The following IL7 variants were observed in gnomAD, a reference collection of about 807,000 sequenced individuals.
IL7 encodes the protein interleukin 7.
IL7 carries 3 observed loss-of-function variants against 21.6 expected under a neutral mutation model. That is an observed-to-expected ratio of 0.14 (90% CI 0.06 to 0.36). The LOEUF (loss-of-function observed/expected upper bound fraction) is 0.36, where lower values mean the gene tolerates loss of function less well. Ranked by LOEUF, IL7 falls within the 10% of genes least tolerant of loss-of-function variation. The pLI is 1.00. For synonymous variants in IL7, 62 were observed against 68.1 expected (o/e 0.91, Z 0.44); for missense variants, 175 against 200.2 (o/e 0.87, Z 0.76).
At chr8:78,730,935 G>GAGAT (rs1463062894), downstream of IL7, among the ~76,000 whole-genome samples, 1 of 151,950 alleles carries the variant, frequency 6.6e-6, no homozygotes, top group South Asian at 2.1e-4. Flanking sequence ...AAAAGGAATT[G>GAGAT]AGATGCCCTT....
intron 5 of IL7, among the ~76,000 whole-genome samples, chr8:78,734,182 A>C (rs1457118841): frequency 1.3e-5 from 2 of 152,218 alleles, no homozygotes; most frequent in Admixed American, 1.3e-4. Flanking sequence ...ATGTATTTTT[A>C]GTGGGAAGAA....
intron 2 of IL7, among the ~76,000 whole-genome samples, chr8:78,794,528 T>G (rs1366274272): frequency 2.0e-5 from 3 of 152,134 alleles, no homozygotes; most frequent in East Asian, 3.9e-4. Context: ...CTTCTTTAGC[T>G]ATGAAAGTTC....
At chr8:78,723,957 T>C (rs1019981503) in intron 3 of IL7, 1 of 179,866 alleles carries the variant, frequency 5.6e-6, no homozygotes, top group Non-Finnish European at 1.3e-5. Flanking sequence ...GCTGCATCTC[T>C]GATCTGCATC....
intron 3 of IL7, among the ~76,000 whole-genome samples, chr8:78,707,368 A>C (rs982499934): frequency 1.3e-5 from 2 of 152,184 alleles, no homozygotes; most frequent in African/African-American, 4.8e-5. Context: ...TGGAGTTAGA[A>C]GACTAGGTTT....
intron 4 of IL7, among the ~76,000 whole-genome samples, chr8:78,685,667 G>A (rs921996223): frequency 6.6e-6 from 1 of 152,148 alleles, no homozygotes; most frequent in African/African-American, 2.4e-5. Flanking sequence ...ATTTAAAAAG[G>A]TGCTCAGTCT....
downstream of IL7, among the ~76,000 whole-genome samples, chr8:78,732,054 A>G (rs535226968): frequency 6.6e-6 from 1 of 152,192 alleles, no homozygotes; most frequent in East Asian, 1.9e-4. Flanking sequence ...TTCTCTAACT[A>G]ATGGTTTACC....
chr8:78,731,602 C>T (rs1003199361), downstream of IL7, among the ~76,000 whole-genome samples: 1 of 151,590 alleles, frequency 6.6e-6, no homozygotes, highest in Non-Finnish European at 1.5e-5. Context: ...AAAATGCTGA[C>T]TTAAAGCATT....
intron 2 of IL7, among the ~76,000 whole-genome samples, chr8:78,765,515 G>A (rs978755022): frequency 9.9e-5 from 15 of 151,878 alleles, no homozygotes; most frequent in African/African-American, 3.4e-4. Flanking sequence ...TAAAAAATTG[G>A]CAAAAAACCT....
chr8:78,718,606 G>A (rs900010688), intron 6 of IL7: 5 of 151,448 alleles, frequency 3.3e-5, no homozygotes, highest in African/African-American at 4.8e-5. Context: ...CACCATTCAC[G>A]TCACATTAAG....
Position 78,765,836 on chromosome 8 carries a change from G to A in IL7, c.148-25754C>T, listed in dbSNP as rs554034858. Among the ~76,000 whole-genome samples the A allele has an allele frequency of 7.4e-4, 113 of 152,162 alleles. 1 individual carries two copies. The highest frequency in any genetic ancestry group is 5.0e-3 in the Admixed American group (77 of 15,286). On this transcript the variant is annotated intron_variant, in intron 2 of 5. Coordinates refer to ENST00000263851, the MANE Select transcript of IL7 (RefSeq NM_000880.4). ...CAGCAATCCTTGCTATATACCCAAA[G>A]AATTTGAAAATTTGTGGCCACACAA...
chr8:78,744,199 G>A (rs979580039), intron 2 of IL7, among the ~76,000 whole-genome samples: 4 of 152,230 alleles, frequency 2.6e-5, no homozygotes, highest in African/African-American at 9.6e-5. Flanking sequence ...TACCCAAATA[G>A]CAGAGATGTC....
At chr8:78,745,276 T>G (rs1407083718) in intron 2 of IL7, among the ~76,000 whole-genome samples, 1 of 152,256 alleles carries the variant, frequency 6.6e-6, no homozygotes, top group African/African-American at 2.4e-5. Flanking sequence ...AAAATGAATC[T>G]TCTATTGAAC....
downstream of IL7, among the ~76,000 whole-genome samples, chr8:78,729,522 A>T (rs1009806085): frequency 1.3e-5 from 2 of 152,026 alleles, no homozygotes; most frequent in Non-Finnish European, 2.9e-5. Flanking sequence ...AGCAAGATGC[A>T]TTAATCTTTA....
chr8:78,720,001 C>T (rs528876453), intron 5 of IL7, among the ~76,000 whole-genome samples: 1 of 151,860 alleles, frequency 6.6e-6, no homozygotes, highest in South Asian at 2.1e-4. Flanking sequence ...AAGGCATTAT[C>T]TTCATAGACT....
chr8:78,791,903 T>C (rs1386165471), intron 2 of IL7, among the ~76,000 whole-genome samples: 1 of 152,112 alleles, frequency 6.6e-6, no homozygotes, highest in Non-Finnish European at 1.5e-5. Flanking sequence ...TTAGATTGCA[T>C]TTAAATTATA....
chr8:78,738,428 G>C, intron 4 of IL7, 76 bp downstream of exon 4: 1 of 1,182,490 alleles, frequency 8.5e-7, no homozygotes, highest in Middle Eastern at 2.0e-4. Context: ...TAATGGATGT[G>C]ATCATCAGAG....
intron 2 of IL7, chr8:78,762,532 G>T (rs41308451): frequency 1.5e-5 from 10 of 662,350 alleles, no homozygotes; most frequent in Non-Finnish European, 2.1e-5. Flanking sequence ...CCGGCCGGCC[G>T]GCTCGGCAGG....
intron 3 of IL7, among the ~76,000 whole-genome samples, chr8:78,725,278 T>C (rs1045378872): frequency 2.6e-5 from 4 of 151,830 alleles, no homozygotes; most frequent in African/African-American, 9.7e-5. Flanking sequence ...GCTTCTAAGG[T>C]AGCTGTGGCA....
At chr8:78,685,797 CAG>C (rs1331263163) in intron 4 of IL7, 1 of 152,106 alleles carries the variant, frequency 6.6e-6, no homozygotes, top group African/African-American at 2.4e-5. Context: ...TATGGAAAAA[CAG>C]GGAAATACAC....
Sources: allele counts gnomAD v4.1 joint callset (sites outside exome capture counted in the v4.1 genomes callset), GRCh38; gene constraint gnomAD v4.1.1; transcripts MANE v1.5; gene names NCBI Gene and HGNC (gene_info 2026-07-23, HGNC 2026-07-21).